STXBP5L: variants seen among roughly 807,000 people sequenced by gnomAD.
The protein encoded by STXBP5L is syntaxin binding protein 5L.
A neutral mutation model predicts 144.5 loss-of-function variants in STXBP5L; 65 were observed. The ratio of observed to expected loss-of-function variants is 0.45; its 90% confidence interval spans 0.37 to 0.55. The LOEUF is 0.55. Among genes scored for constraint, STXBP5L ranks in the 20% least tolerant of loss-of-function variants. The pLI is 0.00. For missense variants in STXBP5L, 1,298 were observed against 1,405.5 expected, an observed-to-expected ratio of 0.92 and a Z score of 1.22; for synonymous variants, 505 against 469.6, an observed-to-expected ratio of 1.08 and a Z score of -0.97.
intron 16 of STXBP5L, 145 bp downstream of exon 16, chr3:121,255,257 G>A (rs982406735): frequency 1.1e-5 from 6 of 550,220 alleles, no homozygotes; most frequent in African/African-American, 1.9e-5. Context: ...AATTATTATT[G>A]TTACTTACTA....
Position 121,407,417 on chromosome 3 carries a change from G to A in STXBP5L, c.2762G>A (p.Gly921Glu), listed in dbSNP as rs372922793. 7.1e-5 allele frequency: 114 copies of A among 1,613,010 alleles called. No homozygotes were observed. Among genetic ancestry groups the A allele is most frequent in the Middle Eastern group, 1.6e-4 (1 of 6,070 alleles). Residue 921 changes from glycine (G) to glutamate (E), a missense_variant, in exon 23 of 27, where the codon GGA (glycine) becomes GAA (glutamate). By Grantham distance (98) the Gly-to-Glu change is moderately conservative (BLOSUM62 -2). Transcript: ENST00000471454. ...TCATCTTCTGCATCCCAAGAAATAG[G>A]AGATCATCAGTATACAATAATCTGC... is the stretch of plus-strand genomic sequence containing the variant. ...MNSSSASQEI[G>E]DHQYTIICSE...
At chr3:121,013,320 A>C (rs1204914843) in intron 3 of STXBP5L, among the ~76,000 whole-genome samples, 1 of 152,112 alleles carries the variant, frequency 6.6e-6, no homozygotes, top group Non-Finnish European at 1.5e-5. Context: ...AATGGTATAT[A>C]AGTGTTCCCT....
intron 22 of STXBP5L, among the ~76,000 whole-genome samples, chr3:121,393,465 C>T (rs566477152): frequency 2.8e-4 from 43 of 151,968 alleles, no homozygotes; most frequent in Non-Finnish European, 4.7e-4. Flanking sequence ...TTAGTTTTGC[C>T]GCATTTGCTT....
intron 2 of STXBP5L, among the ~76,000 whole-genome samples, chr3:120,953,225 G>T (rs1172438842): frequency 6.6e-6 from 1 of 151,856 alleles, no homozygotes; most frequent in African/African-American, 2.4e-5. Flanking sequence ...ATATAAACTT[G>T]GAGTGGGGAA....
At chr3:120,989,429 C>T (rs1010540202) in intron 3 of STXBP5L, among the ~76,000 whole-genome samples, 1 of 152,062 alleles carries the variant, frequency 6.6e-6, no homozygotes, top group Non-Finnish European at 1.5e-5. Flanking sequence ...ATTTATATGT[C>T]TTCCTTTGCA....
intron 5 of STXBP5L, among the ~76,000 whole-genome samples, chr3:121,063,416 G>A (rs1237189210): frequency 1.3e-5 from 2 of 152,174 alleles, no homozygotes; most frequent in Non-Finnish European, 2.9e-5. Context: ...GAGCTCTCCT[G>A]TATGAGGTAT....
At chr3:121,028,485 T>C (rs1004353794) in intron 3 of STXBP5L, among the ~76,000 whole-genome samples, 1 of 152,130 alleles carries the variant, frequency 6.6e-6, no homozygotes, top group Non-Finnish European at 1.5e-5. Flanking sequence ...GATTATATGA[T>C]ATTCAAAAGT....
At chr3:121,182,091 C>G (rs2047178897) in intron 9 of STXBP5L, among the ~76,000 whole-genome samples, 2 of 152,018 alleles carry the variant, frequency 1.3e-5, no homozygotes, top group Non-Finnish European at 2.9e-5. Flanking sequence ...CTTCAATACT[C>G]CACTGACAGC....
intron 5 of STXBP5L, among the ~76,000 whole-genome samples, chr3:121,110,996 C>T (rs993349796): frequency 1.3e-5 from 2 of 152,058 alleles, no homozygotes; most frequent in Non-Finnish European, 2.9e-5. Context: ...AGTCTTCAAG[C>T]TCTGAAATTC....
intron 4 of STXBP5L, among the ~76,000 whole-genome samples, chr3:121,044,980 C>T (rs1056190505): frequency 1.3e-4 from 20 of 152,120 alleles, no homozygotes; most frequent in South Asian, 6.2e-4. Flanking sequence ...GAAGAATATA[C>T]GCTTTCCAAA....
At chr3:121,194,909 CTTT>C (rs10717806) in intron 9 of STXBP5L, among the ~76,000 whole-genome samples, 7 of 68,496 alleles carry the variant, frequency 1.0e-4, no homozygotes, top group Admixed American at 2.3e-4. Context: ...TCTTTTCACT[CTTT>C]TTTTTTTTTT....
chr3:121,201,750 G>A (rs556949606), intron 9 of STXBP5L, among the ~76,000 whole-genome samples: 2 of 152,086 alleles, frequency 1.3e-5, no homozygotes, highest in African/African-American at 4.8e-5. Flanking sequence ...TGTCTGGAAA[G>A]CATTTTATTT....
intron 20 of STXBP5L, among the ~76,000 whole-genome samples, chr3:121,332,848 G>C (rs1464231205): frequency 6.7e-6 from 1 of 149,294 alleles, no homozygotes; most frequent in Non-Finnish European, 1.5e-5. Context: ...GTGAAGTAAA[G>C]AATGATAAGA....
chr3:121,068,103 G>T (rs964027435), intron 5 of STXBP5L, among the ~76,000 whole-genome samples: 9 of 152,210 alleles, frequency 5.9e-5, no homozygotes, highest in Non-Finnish European at 1.3e-4. Context: ...TCCACGCCCT[G>T]GGTTCAAGTG....
intron 3 of STXBP5L, among the ~76,000 whole-genome samples, chr3:121,005,493 A>C (rs1944211272): frequency 6.6e-6 from 1 of 151,984 alleles, no homozygotes; most frequent in African/African-American, 2.4e-5. Context: ...TGATCTTTTC[A>C]CAAAACCAGC....
intron 7 of STXBP5L, among the ~76,000 whole-genome samples, chr3:121,129,122 A>C (rs1415541624): frequency 6.6e-6 from 1 of 152,110 alleles, no homozygotes. Context: ...GCCCAAGTCT[A>C]ATCTCACAGT....
chr3:121,186,118 G>C (rs2047371658), intron 9 of STXBP5L, among the ~76,000 whole-genome samples: 1 of 152,140 alleles, frequency 6.6e-6, no homozygotes, highest in Admixed American at 6.6e-5. Flanking sequence ...TGGTGTATAA[G>C]AATGCTTGTG....
At chr3:121,073,945 T>C (rs2041914861) in intron 5 of STXBP5L, among the ~76,000 whole-genome samples, 2 of 152,200 alleles carry the variant, frequency 1.3e-5, no homozygotes. Context: ...TTGTGCCTTT[T>C]TCCTTAGACA....
chr3:121,252,898 G>A (rs995980855), intron 15 of STXBP5L, among the ~76,000 whole-genome samples: 13 of 152,120 alleles, frequency 8.5e-5, no homozygotes, highest in African/African-American at 2.7e-4. Flanking sequence ...TTATGTAATC[G>A]TTGGCAGACT....
Sources: allele counts gnomAD v4.1 joint callset (sites outside exome capture counted in the v4.1 genomes callset), GRCh38; gene constraint gnomAD v4.1.1; transcripts MANE v1.5; gene names NCBI Gene and HGNC (gene_info 2026-07-23, HGNC 2026-07-21).